The following MAN2C1 variants were observed in gnomAD, a reference collection of about 807,000 sequenced individuals.
MAN2C1 encodes alpha-mannosidase 2C1.
A neutral mutation model predicts 126.9 loss-of-function variants in MAN2C1; 111 were observed. The observed-to-expected ratio is 0.87, with a 90% CI of 0.75 to 1.02. The LOEUF is 1.02. MAN2C1 is among the 50% of genes least tolerant of loss of function. The pLI is 0.00. For missense variants in MAN2C1, 1,363 were observed against 1,364.4 expected (o/e 1.00, Z 0.02); for synonymous variants, 567 against 561.5 (o/e 1.01, Z -0.14).
rs774540444 is a variant in MAN2C1, at chr15:75,356,198, G to A, written c.2908C>T (p.Arg970Cys). The change falls in exon 25 of 26, where the codon CGC becomes TGC. Residue 970 changes from arginine (R) to cysteine (C), a missense_variant. Arg to Cys is a radical substitution (Grantham distance 180). Around this residue, in one of 3 missense-constraint regions of MAN2C1, gnomAD observed 668 missense variants for 650.1 expected, o/e 1.03. Transcript: ENST00000267978. The surrounding 1 kb of genome is among the most constrained non-coding windows in gnomAD (Gnocchi z 5.8). Reference protein sequence around the residue: ...VKQAESSPQRRSLVLRLYEAH... With the variant: ...VKQAESSPQRCSLVLRLYEAH... ...TCATACAGCCTCAGGACCAGCGAGC[G>A]GCGCTGGGGGCTGCTCTCCGCCTGC... 40 of 1,613,192 alleles carry A rather than the reference G, an allele frequency of 2.5e-5. No individual in the cohort carries two copies. The highest frequency in any genetic ancestry group is 8.0e-5 in the African/African-American group (6 of 74,920).
rs150070963 is a variant in MAN2C1 at position 75,356,028 on chromosome 15, C to G, written c.3001G>C (p.Asp1001His). 5 of 1,613,762 alleles carry G rather than the reference C, an allele frequency of 3.1e-6. No individual in the cohort carries two copies. Among genetic ancestry groups the G allele is most frequent in the South Asian group, 1.1e-5 (1 of 91,048 alleles). The change falls in exon 26 of 26, where the codon GAT becomes CAT. Residue 1001 changes from aspartate to histidine, a missense_variant. This residue lies in a region of MAN2C1 where 668 missense variants were observed against 650.1 expected (regional missense o/e 1.03). Transcript: ENST00000267978. This position sits in a 1 kb window ranked among gnomAD's most constrained non-coding sequence, Gnocchi z 5.8. ...SLPVQEAILCDLLERPDPAGH... is the reference protein window; with the variant it reads ...SLPVQEAILCHLLERPDPAGH... ...GCAGGGTCTGGTCGCTCCAAGAGAT[C>G]GCAGCTGGAGAACAGGAGGGGCCAT...
chr15:75,358,021 C>A, intron 21 of MAN2C1, 180 bp downstream of exon 21: 1 of 745,670 alleles, frequency 1.3e-6, no homozygotes, highest in East Asian at 2.8e-5. Context: ...TCCCAAAGTG[C>A]TGGAATTACA....
chr15:75,364,147 G>C lies in MAN2C1; in HGVS notation c.642C>G (p.Tyr214Ter). 6.2e-7 allele frequency: 1 copy of C among 1,613,172 alleles called. No individual in the cohort carries two copies. Residue 214 changes from tyrosine to a stop codon, truncating the protein, a stop_gained, in exon 6 of 26, where the codon TAC becomes TAG. Transcript: ENST00000267978. LOFTEE classifies it high-confidence loss of function. ...ACACGTTCACCATCTGATTGGCTGT[G>C]TACAGGGCCTGGAAGCTGCGCTGGT... ...KDNQRSFQAL[Y>*]TANQMVNVCD... is the part of the protein sequence containing the mutation.
chr15:75,368,248 C>T (rs1257159080), intron 1 of MAN2C1, 50 bp from the exon 2 acceptor site: 3 of 1,548,306 alleles, frequency 1.9e-6, no homozygotes, highest in Non-Finnish European at 2.6e-6. Flanking sequence ...CCCGTTTCCG[C>T]CTGGGGGCCA....
Position 75,362,534 on chromosome 15 carries a change from C to G in MAN2C1, c.898-81G>C. 6.5e-7 allele frequency: 1 copy of G among 1,527,142 alleles called. No homozygotes were observed. Among genetic ancestry groups the G allele is most frequent in the South Asian group, 1.2e-5 (1 of 86,188 alleles). The allele number at this position is 1,527,142 out of a possible 1,614,324, so 94.6% of individuals were successfully genotyped here. On this transcript the variant is annotated intron_variant, in intron 7 of 25. Coordinates refer to ENST00000267978, the MANE Select transcript of MAN2C1 (RefSeq NM_006715.4). The surrounding 1 kb of genome is among the most constrained non-coding windows in gnomAD (Gnocchi z 4.5). ...TGAGCATATGGGACTCAGTGTGTGG[C>G]TGAGGGTGAGGAGCAGCCCTGACCC...
rs1456158943 is a variant in MAN2C1, at chr15:75,368,542, C to T, written c.42G>A (p.Leu14=). The change falls in exon 1 of 26, where the codon CTG becomes CTA. Residue 14 remains leucine (L), a synonymous_variant. Transcript: ENST00000267978. ...APALKHWRTT[L]ERVEKFVSPL... ...GCGACACGAACTTCTCCACCCGCTC[C>T]AGCGTGGTGCGCCAGTGCTTCAAGG... 2 of 1,553,832 alleles carry T rather than the reference C, an allele frequency of 1.3e-6. No homozygotes were observed. The highest frequency in any genetic ancestry group is 1.2e-5 in the South Asian group (1 of 84,376).
At chr15:75,364,262 C>T in intron 5 of MAN2C1, 74 bp from the exon 6 acceptor site, 2 of 1,472,448 alleles carry the variant, frequency 1.4e-6, no homozygotes, top group Non-Finnish European at 1.8e-6. Flanking sequence ...GATCTCAGGG[C>T]TCTCAGCAGA....
rs773579344 is a variant in MAN2C1 at position 75,367,465 on chromosome 15, A to G, written c.351+46T>C. On this transcript the variant is annotated intron_variant, in intron 3 of 25. Coordinates refer to ENST00000267978, the MANE Select transcript of MAN2C1 (RefSeq NM_006715.4). ...ACAGAAGAAGGGCTGTAGTCATTTC[A>G]GGGCTGAAATGTGGCCATACCTGGC... 1.0e-4 allele frequency: 161 copies of G among 1,603,486 alleles called. 1 individual carries two copies. Among genetic ancestry groups the G allele is most frequent in the Non-Finnish European group, 2.6e-6 (3 of 1,174,284 alleles).
In MAN2C1 at chr15:75,356,810, G is replaced by A. The variant is rs1474198756; in HGVS notation, c.2640C>T (p.Ser880=). The A allele has an allele frequency of 1.2e-6, 2 of 1,614,060 alleles. No individual in the cohort carries two copies. The highest frequency in any genetic ancestry group is 1.7e-5 in the Admixed American group (1 of 60,032). The change falls in exon 22 of 26, where the codon AGC becomes AGT. Residue 880 remains serine, a synonymous_variant. Transcript: ENST00000267978. This position sits in a 1 kb window ranked among gnomAD's most constrained non-coding sequence, Gnocchi z 5.8. ...CCACTTACAGCGAGAGGCTGAGGAT[G>A]CTGCCTCGCACTGACGCGCCATACT... ...DCKYGASVRG[S]ILSLSLLRAP...
At position 75,359,663 on chromosome 15, in the gene MAN2C1, G is replaced by C. The variant is rs77942503; in HGVS notation, c.1905C>G (p.Ile635Met). Residue 635 changes from isoleucine (I) to methionine (M), a missense_variant, in exon 16 of 26, where the codon ATC becomes ATG. Ile to Met is a conservative substitution (Grantham distance 10). Around this residue, in one of 3 missense-constraint regions of MAN2C1, gnomAD observed 668 missense variants for 650.1 expected, o/e 1.03. Transcript: ENST00000267978. ...LIVNTLPWKR[I>M]EVMALPKPGG... ...CCGGTTTGGGCAGGGCCATCACTTC[G>C]ATCCGCTTCCAGGGCAGTGTGTTGA... 5.0e-6 allele frequency: 8 copies of C among 1,614,136 alleles called. No homozygotes were observed. Among genetic ancestry groups the C allele is most frequent in the Non-Finnish European group, 6.8e-6 (8 of 1,180,040 alleles).
Position 75,358,449 on chromosome 15 carries a change from AC to A in MAN2C1, c.2403+12del, listed in dbSNP as rs1393747718. ...CACTTGGGGAAAACAGCCACCCCCT[AC>A]CCCCCGACTACCTCGGTGTGGAAGC... On this transcript the variant is annotated intron_variant, in intron 20 of 25. Coordinates refer to ENST00000267978, the MANE Select transcript of MAN2C1 (RefSeq NM_006715.4). The A allele has an allele frequency of 6.2e-7, 1 of 1,612,748 alleles. No homozygotes were observed. The highest frequency in any genetic ancestry group is 8.5e-7 in the Non-Finnish European group (1 of 1,179,596).
rs761409187 is a variant in MAN2C1 at position 75,361,753 on chromosome 15, C to G, written c.1102-33G>C. On this transcript the variant is annotated intron_variant, in intron 9 of 25. Transcript: ENST00000267978. The surrounding 1 kb of genome is among the most constrained non-coding windows in gnomAD (Gnocchi z 5.0). ...GAAAGAGGATCCTGGAGTGCAGGAA[C>G]CAGAGCTCCAGGCGGACTCACCCCA... 3.1e-5 allele frequency: 49 copies of G among 1,601,258 alleles called. No homozygotes were observed. Among genetic ancestry groups the G allele is most frequent in the Non-Finnish European group, 4.0e-5 (47 of 1,168,670 alleles).
Position 75,362,880 on chromosome 15 carries a change from C to G in MAN2C1, c.791-132G>C. On this transcript the variant is annotated intron_variant, in intron 6 of 25. Transcript: ENST00000267978. The surrounding 1 kb of genome is among the most constrained non-coding windows in gnomAD (Gnocchi z 4.5). Reference sequence around the variant, plus strand: ...CCTGGAAAGCCCTGTGGTGTCCCTCCTAAGTGGTCACTTCACTTCACTCCA... The same window carrying G: ...CCTGGAAAGCCCTGTGGTGTCCCTCGTAAGTGGTCACTTCACTTCACTCCA... The G allele has an allele frequency of 1.4e-6, 1 of 724,796 alleles. No homozygotes were observed. The highest frequency in any genetic ancestry group is 2.3e-6 in the Non-Finnish European group (1 of 426,262). 44.9% of individuals were successfully genotyped at this position (724,796 alleles called of 1,614,324 possible).
At chr15:75,358,658 G>C (rs569911124) in intron 19 of MAN2C1, 40 bp from the exon 20 acceptor site, 2 of 1,380,020 alleles carry the variant, frequency 1.4e-6, no homozygotes, top group South Asian at 2.3e-5. Context: ...AGAGCAGCCT[G>C]TGTTCCCACC....
Position 75,358,615 on chromosome 15 carries a change from C to G in MAN2C1, c.2250G>C (p.Lys750Asn). 6.2e-7 allele frequency: 1 copy of G among 1,612,934 alleles called. No individual in the cohort carries two copies. Among genetic ancestry groups the G allele is most frequent in the Non-Finnish European group, 8.5e-7 (1 of 1,179,694 alleles). Reference protein sequence around the residue: ...DVMDYHLETRKPVLGQAGTLA... With the variant: ...DVMDYHLETRNPVLGQAGTLA... The stretch of plus-strand genomic sequence containing the variant: ...GGGTCCCTGCCTGGCCCAGCACAGG[C>G]TTCCTATGGGACAGGGGTGGACATA... Residue 750 changes from lysine to asparagine, a missense_variant, in exon 20 of 26, where the codon AAG becomes AAC. Coordinates refer to ENST00000267978, the MANE Select transcript of MAN2C1 (RefSeq NM_006715.4).
At chr15:75,363,154 C>G in intron 6 of MAN2C1, 1 of 457,642 alleles carries the variant, frequency 2.2e-6, no homozygotes, top group Non-Finnish European at 4.4e-6. Flanking sequence ...TACAGCCTCT[C>G]CTGACTCCCA....
Position 75,359,697 on chromosome 15 carries a change from A to C in MAN2C1, c.1871T>G (p.Leu624Arg), listed in dbSNP as rs759265144. The C allele has an allele frequency of 4.3e-6, 7 of 1,613,994 alleles. No homozygotes were observed. The highest frequency in any genetic ancestry group is 4.5e-5 in the East Asian group (2 of 44,902). Reference sequence around the variant, plus strand: ...CCAGGGCAGTGTGTTGACGATGAGGAGGCCCTCAGGACCTGGCTCCCCAGC... The same window carrying C: ...CCAGGGCAGTGTGTTGACGATGAGGCGGCCCTCAGGACCTGGCTCCCCAGC... ...LCAGEPGPEGLLIVNTLPWKR... is the reference protein window; with the variant it reads ...LCAGEPGPEGRLIVNTLPWKR... The change falls in exon 16 of 26, where the codon CTC (leucine) becomes CGC (arginine). Residue 624 changes from leucine to arginine, a missense_variant. Around this residue, in one of 3 missense-constraint regions of MAN2C1, gnomAD observed 668 missense variants for 650.1 expected, o/e 1.03. Coordinates refer to ENST00000267978, the MANE Select transcript of MAN2C1 (RefSeq NM_006715.4).
In MAN2C1 at chr15:75,356,344, A is replaced by G. The variant is rs1233506569; in HGVS notation, c.2843T>C (p.Phe948Ser). 6.2e-7 allele frequency: 1 copy of G among 1,612,310 alleles called. No homozygotes were observed. The highest frequency in any genetic ancestry group is 1.7e-5 in the Admixed American group (1 of 59,736). The change falls in exon 24 of 26, where the codon TTT (phenylalanine) becomes TCT (serine). Residue 948 changes from phenylalanine to serine, a missense_variant. By Grantham distance (155) the Phe-to-Ser change is radical. Coordinates refer to ENST00000267978, the MANE Select transcript of MAN2C1 (RefSeq NM_006715.4). This position sits in a 1 kb window ranked among gnomAD's most constrained non-coding sequence, Gnocchi z 5.8. The part of the protein sequence containing the change: ...SPAPATSWSA[F>S]SVSSPAVVLE... ...TACGACCGCGGGTGAAGACACGGAA[A>G]ACGCACTCCAGGAGGTGGCGGGCGC...
chr15:75,362,668 G>T lies in MAN2C1; in HGVS notation c.871C>A (p.Pro291Thr), dbSNP rs530137627. The T allele has an allele frequency of 6.2e-7, 1 of 1,614,124 alleles. No homozygotes were observed. The highest frequency in any genetic ancestry group is 1.1e-5 in the South Asian group (1 of 91,084). Residue 291 changes from proline (P) to threonine (T), a missense_variant, in exon 7 of 26, where the codon CCT (proline) becomes ACT (threonine). Pro to Thr is a conservative substitution (Grantham distance 38). Coordinates refer to ENST00000267978, the MANE Select transcript of MAN2C1 (RefSeq NM_006715.4). This position sits in a 1 kb window ranked among gnomAD's most constrained non-coding sequence, Gnocchi z 4.5. ...TGGGAGCAGGCAAAGATGAACTCAG[G>T]GTTCCGCTCCATGAGCTGCAGGGCG... ...VTALQLMERN[P>T]EFIFACSQAQ...
Sources: gnomAD v4.1 joint callset for allele counts on GRCh38, gnomAD v4.1.1 for gene constraint, gnomAD v4.1.1 regional missense constraint, Gnocchi (gnomAD v3.1) non-coding constraint, MANE v1.5 for transcripts, NCBI Gene and HGNC (gene_info 2026-07-23, HGNC 2026-07-21) for gene names.